The following LYSMD2 variants were observed in gnomAD, a reference collection of about 807,000 sequenced individuals.
LYSMD2 encodes LysM domain containing 2.
LYSMD2 carries 6 observed loss-of-function variants against 17.7 expected under a neutral mutation model. That is an observed-to-expected ratio of 0.34 (90% confidence interval 0.19 to 0.67). The LOEUF (loss-of-function observed/expected upper bound fraction) is 0.67, where lower values mean the gene tolerates loss of function less well. LYSMD2 is among the 30% of genes least tolerant of loss of function. LYSMD2 has a pLI of 0.69. For missense variants in LYSMD2, 237 were observed against 286.7 expected (o/e 0.83, Z 1.25); for synonymous variants, 102 against 129.8 (o/e 0.79, Z 1.45).
intron 1 of LYSMD2, among the ~76,000 whole-genome samples, chr15:51,750,910 A>G (rs532399440): frequency 2.0e-5 from 3 of 152,238 alleles, no homozygotes; most frequent in Non-Finnish European, 4.4e-5. Context: ...TTAGCACGAC[A>G]TATAGGACTT....
Position 51,737,429 on chromosome 15 carries a change from CCGGCGCCCAG to C in LYSMD2, c.184_193del (p.Leu62AlafsTer45). 1 of 1,439,092 alleles carries C rather than the reference CCGGCGCCCAG, an allele frequency of 6.9e-7. No homozygotes were observed. The highest frequency in any genetic ancestry group is 9.1e-7 in the Non-Finnish European group (1 of 1,100,204). The allele number at this position is 1,439,092 out of a possible 1,614,324, so 89.1% of individuals were successfully genotyped here. On this transcript the variant is annotated frameshift_variant, in exon 1 of 3. Transcript: ENST00000267838. LOFTEE classifies it high-confidence loss of function. The surrounding 1 kb of genome is among the most constrained non-coding windows in gnomAD (Gnocchi z 4.2). ...GTGCTCCACATGGCGCTCGATGACG[CCGGCGCCCAG>C]CGGCGCCCGCACGCTGGCGGTGCTG...
At chr15:51,724,476 A>G (rs922595394) in intron 2 of LYSMD2, among the ~76,000 whole-genome samples, 4 of 152,202 alleles carry the variant, frequency 2.6e-5, no homozygotes, top group African/African-American at 7.2e-5. Context: ...CAAACTTTTT[A>G]TAGTAAATAA....
intron 1 of LYSMD2, among the ~76,000 whole-genome samples, chr15:51,734,413 C>T (rs1435927426): frequency 6.6e-6 from 1 of 152,170 alleles, no homozygotes; most frequent in African/African-American, 2.4e-5. Flanking sequence ...AGCTTGTTAC[C>T]CTTGTAATCC....
chr15:51,733,207 T>G (rs1174738287), intron 1 of LYSMD2, among the ~76,000 whole-genome samples: 4 of 151,760 alleles, frequency 2.6e-5, no homozygotes, highest in African/African-American at 9.7e-5. Context: ...CTCCCTTACC[T>G]CCTTCTCAGC....
Position 51,737,265 on chromosome 15 carries a change from C to CT in LYSMD2, c.273+84_273+85insA. The CT allele has an allele frequency of 3.2e-6, 2 of 628,764 alleles. No homozygotes were observed. Among genetic ancestry groups the CT allele is most frequent in the Non-Finnish European group, 4.4e-6 (2 of 450,590 alleles). The allele number at this position is 628,764 out of a possible 1,614,324, so 38.9% of individuals were successfully genotyped here. The stretch of plus-strand genomic sequence containing the variant: ...TCCCCCAAACCCCCACCCGCAGTCC[C>CT]ACCCCCACCCCCACCGCACCCCGAG... On this transcript the variant is annotated intron_variant, in intron 1 of 2. Coordinates refer to ENST00000267838, the MANE Select transcript of LYSMD2 (RefSeq NM_153374.3). The surrounding 1 kb of genome is among the most constrained non-coding windows in gnomAD (Gnocchi z 4.2).
chr15:51,729,166 G>C (rs1464410083), intron 1 of LYSMD2, among the ~76,000 whole-genome samples: 1 of 152,238 alleles, frequency 6.6e-6, no homozygotes, highest in East Asian at 1.9e-4. Flanking sequence ...ATGCCCTGGG[G>C]CAGGAAAAAA....
At chr15:51,738,802 C>G (rs758341973), upstream of LYSMD2, among the ~76,000 whole-genome samples, 4 of 152,090 alleles carry the variant, frequency 2.6e-5, no homozygotes, top group Non-Finnish European at 4.4e-5. Flanking sequence ...CAACACCATC[C>G]CACTCAAAAC....
chr15:51,724,271 T>C (rs534678800), intron 2 of LYSMD2, among the ~76,000 whole-genome samples: 42 of 152,222 alleles, frequency 2.8e-4, no homozygotes, highest in Admixed American at 2.3e-3. Flanking sequence ...AGAAAAAAGT[T>C]CACATGAGAT....
chr15:51,744,389 T>C (rs2055657185), intron 1 of LYSMD2, among the ~76,000 whole-genome samples: 1 of 152,196 alleles, frequency 6.6e-6, no homozygotes, highest in South Asian at 2.1e-4. Context: ...TCTGCATCTA[T>C]TGATATAATC....
At chr15:51,742,241 T>C (rs2055646610), upstream of LYSMD2, among the ~76,000 whole-genome samples, 1 of 152,146 alleles carries the variant, frequency 6.6e-6, no homozygotes, top group Non-Finnish European at 1.5e-5. Flanking sequence ...GGTTTCGCCA[T>C]GTTGGCCAGG....
At chr15:51,737,659 A>C, upstream of LYSMD2, 1 of 1,200,182 alleles carries the variant, frequency 8.3e-7, no homozygotes, top group South Asian at 4.2e-5. The surrounding 1 kb of genome is among the most constrained non-coding windows in gnomAD (Gnocchi z 4.2). Flanking sequence ...GGAGCTTGCC[A>C]AGGGGGCGGC....
In LYSMD2 at chr15:51,737,156, C is replaced by T. The variant is rs996875089; in HGVS notation, c.273+194G>A. 3.9e-5 allele frequency among the ~76,000 whole-genome samples: 6 copies of T among 152,194 alleles called. No individual in the cohort carries two copies. Among genetic ancestry groups the T allele is most frequent in the African/African-American group, 7.2e-5 (3 of 41,454 alleles). On this transcript the variant is annotated intron_variant, in intron 1 of 2. Transcript: ENST00000267838. The surrounding 1 kb of genome is among the most constrained non-coding windows in gnomAD (Gnocchi z 4.2). The stretch of plus-strand genomic sequence containing the variant: ...CCGCTGCAGGACCAGCTTTGGCGAC[C>T]ACTGCGGTGGCCAGCAGCGCGCGCT...
chr15:51,737,630 G>C lies in LYSMD2; in HGVS notation c.-8C>G. The C allele has an allele frequency of 8.3e-7, 1 of 1,205,676 alleles. No individual in the cohort carries two copies. The allele number at this position is 1,205,676 out of a possible 1,614,324, so 74.7% of individuals were successfully genotyped here. On this transcript the variant is annotated 5_prime_UTR_variant, in exon 1 of 3. Coordinates refer to ENST00000267838, the MANE Select transcript of LYSMD2 (RefSeq NM_153374.3). The surrounding 1 kb of genome is among the most constrained non-coding windows in gnomAD (Gnocchi z 4.2). Reference sequence around the variant, plus strand: ...GGGCGAGGAATCCGCCATGGGTCCTGCCGAGGCCGCCGGGTCGGGGAGCTT... The same window carrying C: ...GGGCGAGGAATCCGCCATGGGTCCTCCCGAGGCCGCCGGGTCGGGGAGCTT...
Position 51,723,523 on chromosome 15 carries a change from G to T in LYSMD2, c.*84C>A. On this transcript the variant is annotated 3_prime_UTR_variant, in exon 3 of 3. Transcript: ENST00000267838. ...AGATGGACACTATAGGAATCCAGAA[G>T]GGATGTTTTTGAATCTTCAGTTGTT... The T allele has an allele frequency of 9.2e-7, 1 of 1,092,064 alleles. No individual in the cohort carries two copies. The highest frequency in any genetic ancestry group is 1.2e-5 in the South Asian group (1 of 80,026). The allele number at this position is 1,092,064 out of a possible 1,614,324, so 67.6% of individuals were successfully genotyped here.
At chr15:51,743,942 T>C (rs1276829965) in intron 1 of LYSMD2, among the ~76,000 whole-genome samples, 1 of 152,196 alleles carries the variant, frequency 6.6e-6, no homozygotes, top group Non-Finnish European at 1.5e-5. Flanking sequence ...AAGCAGTAGT[T>C]TTTTCTGTAA....
upstream of LYSMD2, among the ~76,000 whole-genome samples, chr15:51,741,796 T>C (rs1013196770): frequency 3.9e-5 from 6 of 152,046 alleles, no homozygotes; most frequent in African/African-American, 1.4e-4. Flanking sequence ...GGCAGGTGCC[T>C]GTAATCCCAG....
chr15:51,737,181 TGAGC>T lies in LYSMD2; in HGVS notation c.273+165_273+168del, dbSNP rs2055615174. On this transcript the variant is annotated intron_variant, in intron 1 of 2. Coordinates refer to ENST00000267838, the MANE Select transcript of LYSMD2 (RefSeq NM_153374.3). The surrounding 1 kb of genome is among the most constrained non-coding windows in gnomAD (Gnocchi z 4.2). ...CACTGCGGTGGCCAGCAGCGCGCGC[TGAGC>T]GAGCCCTGGGAGCCGAGCCGCCCGG... 6.6e-6 allele frequency among the ~76,000 whole-genome samples: 1 copy of T among 152,056 alleles called. No homozygotes were observed. Among genetic ancestry groups the T allele is most frequent in the East Asian group, 1.9e-4 (1 of 5,162 alleles).
upstream of LYSMD2, among the ~76,000 whole-genome samples, chr15:51,738,982 C>T (rs557130200): frequency 1.3e-5 from 2 of 152,282 alleles, no homozygotes; most frequent in Admixed American, 1.3e-4. Context: ...CCTCCTTGTT[C>T]CTACTTTCAT....
chr15:51,737,257 C>CCCCGG lies in LYSMD2; in HGVS notation c.273+92_273+93insCCGGG. The CCCCGG allele has an allele frequency of 1.2e-5, 4 of 335,082 alleles. No individual in the cohort carries two copies. The highest frequency in any genetic ancestry group is 1.9e-5 in the Non-Finnish European group (4 of 209,136). 20.8% of individuals were successfully genotyped at this position (335,082 alleles called of 1,614,324 possible). A position where few individuals can be genotyped will look rare whatever the true frequency, so the allele number is the denominator to read the frequency against. ...ACTCCCCATCCCCCAAACCCCCACCCGCAGTCCCACCCCCACCCCCACCGC... is the reference window on the plus strand; with the variant it reads ...ACTCCCCATCCCCCAAACCCCCACCCCCCGGGCAGTCCCACCCCCACCCCCACCGC... On this transcript the variant is annotated intron_variant, in intron 1 of 2. Coordinates refer to ENST00000267838, the MANE Select transcript of LYSMD2 (RefSeq NM_153374.3). This position sits in a 1 kb window ranked among gnomAD's most constrained non-coding sequence, Gnocchi z 4.2.
Sources: allele counts gnomAD v4.1 joint callset (sites outside exome capture counted in the v4.1 genomes callset), GRCh38; gene constraint gnomAD v4.1.1; non-coding constraint Gnocchi (gnomAD v3.1); transcripts MANE v1.5; gene names NCBI Gene and HGNC (gene_info 2026-07-23, HGNC 2026-07-21).